The following CAST variants were observed in gnomAD, a reference collection of about 807,000 sequenced individuals.
CAST encodes the protein MIR583 host.
A neutral mutation model predicts 119.6 loss-of-function variants in CAST; 76 were observed. The observed-to-expected ratio is 0.64, with a 90% CI of 0.53 to 0.77. The LOEUF is 0.77. Among genes scored for constraint, CAST ranks in the 30% least tolerant of loss-of-function variants. The pLI is 0.00. For missense variants in CAST, 953 were observed against 946.5 expected, an observed-to-expected ratio of 1.01 and a Z score of -0.09; for synonymous variants, 319 against 331.6, an observed-to-expected ratio of 0.96 and a Z score of 0.41.
At chr5:96,319,507 C>G in the CAST span, among the ~76,000 whole-genome samples, 1 of 152,140 alleles carries the variant, frequency 6.6e-6, no homozygotes, top group African/African-American at 2.4e-5. Context: ...ACTACCTTCC[C>G]CATGGGTTGT....
the CAST span, among the ~76,000 whole-genome samples, chr5:96,078,593 C>G: frequency 6.6e-6 from 1 of 152,040 alleles, no homozygotes; most frequent in Admixed American, 6.6e-5. Context: ...TGGGGTTTCA[C>G]CATCTTGATC....
the CAST span, among the ~76,000 whole-genome samples, chr5:96,209,939 TTC>T: frequency 6.6e-6 from 1 of 151,828 alleles, no homozygotes; most frequent in South Asian, 2.1e-4. Flanking sequence ...GTTGCTTATT[TTC>T]TCTCTCTCTT....
At chr5:96,239,200 A>G in the CAST span, among the ~76,000 whole-genome samples, 9 of 152,244 alleles carry the variant, frequency 5.9e-5, no homozygotes, top group East Asian at 1.5e-3. Flanking sequence ...GTATTGCCCA[A>G]TTATGCAATG....
At chr5:96,299,746 C>T in the CAST span, among the ~76,000 whole-genome samples, 1 of 152,020 alleles carries the variant, frequency 6.6e-6, no homozygotes, top group Non-Finnish European at 1.5e-5. Flanking sequence ...AATTTCAGTG[C>T]TATGTGAATT....
chr5:96,629,242 A>C (rs1440013901), intron 1 of CAST, among the ~76,000 whole-genome samples: 1 of 152,132 alleles, frequency 6.6e-6, no homozygotes, highest in Non-Finnish European at 1.5e-5. Context: ...GTTCGCTTCT[A>C]CCTTCCACCT....
At chr5:96,223,740 T>G in the CAST span, among the ~76,000 whole-genome samples, 1 of 152,226 alleles carries the variant, frequency 6.6e-6, no homozygotes, top group East Asian at 1.9e-4. Flanking sequence ...TTGACCCTGC[T>G]TCTTCTCCAT....
chr5:96,031,762 G>A, the CAST span, among the ~76,000 whole-genome samples: 1 of 151,958 alleles, frequency 6.6e-6, no homozygotes, highest in Non-Finnish European at 1.5e-5. Flanking sequence ...ACCTATACTA[G>A]TTATATATTG....
chr5:96,123,151 A>G, the CAST span, among the ~76,000 whole-genome samples: 10 of 152,106 alleles, frequency 6.6e-5, no homozygotes, highest in Non-Finnish European at 2.9e-5. Context: ...TATTCTCATT[A>G]TTATGCCATT....
chr5:96,425,708 C>G, the CAST span: 1 of 692,892 alleles, frequency 1.4e-6, no homozygotes, highest in South Asian at 1.6e-5. Context: ...CAATATAGCT[C>G]CCTATGAAAT....
At chr5:96,650,884 C>T (rs1271769053) in intron 1 of CAST, among the ~76,000 whole-genome samples, 1 of 152,024 alleles carries the variant, frequency 6.6e-6, no homozygotes, top group Non-Finnish European at 1.5e-5. Context: ...AGAATTTTTT[C>T]AACAGACTAG....
chr5:96,704,518 A>C (rs1022092433), intron 3 of CAST, among the ~76,000 whole-genome samples: 1 of 152,280 alleles, frequency 6.6e-6, no homozygotes, highest in African/African-American at 2.4e-5. Context: ...AGTTAACTTT[A>C]AGTGATCACT....
At chr5:96,573,438 CTGAACAACA>C (rs1326019125) in intron 1 of CAST, among the ~76,000 whole-genome samples, 6 of 151,904 alleles carry the variant, frequency 3.9e-5, no homozygotes, top group Non-Finnish European at 5.9e-5. Flanking sequence ...CGAGACCAGC[CTGAACAACA>C]TAGTAAGACC....
At chr5:96,240,011 T>A in the CAST span, among the ~76,000 whole-genome samples, 1 of 152,206 alleles carries the variant, frequency 6.6e-6, no homozygotes, top group African/African-American at 2.4e-5. Flanking sequence ...TATAATTTTA[T>A]TGGGAACATG....
upstream of CAST, among the ~76,000 whole-genome samples, chr5:96,524,999 C>T (rs1405698229): frequency 6.6e-6 from 1 of 152,172 alleles, no homozygotes; most frequent in African/African-American, 2.4e-5. Flanking sequence ...GATTTGTCTT[C>T]ACTCCTCATC....
chr5:96,022,907 G>T, the CAST span, among the ~76,000 whole-genome samples: 3 of 152,112 alleles, frequency 2.0e-5, no homozygotes, highest in Non-Finnish European at 2.9e-5. Context: ...CTTATCAAGG[G>T]TAGTTGCTTT....
chr5:96,400,653 G>A, the CAST span, among the ~76,000 whole-genome samples: 1 of 152,152 alleles, frequency 6.6e-6, no homozygotes. Context: ...ACACAGACTG[G>A]CTACCTGCTG....
At chr5:96,594,076 T>TA (rs762951779) in intron 1 of CAST, among the ~76,000 whole-genome samples, 25 of 152,356 alleles carry the variant, frequency 1.6e-4, no homozygotes, top group Non-Finnish European at 3.4e-4. Flanking sequence ...GTAAGCATGT[T>TA]ACATGTACTA....
the CAST span, among the ~76,000 whole-genome samples, chr5:96,518,335 C>G: frequency 6.6e-6 from 1 of 151,982 alleles, no homozygotes; most frequent in African/African-American, 2.4e-5. Flanking sequence ...ATTAGCTAGC[C>G]AAAAAGAAAA....
chr5:96,358,711 T>C, the CAST span, among the ~76,000 whole-genome samples: 1 of 152,206 alleles, frequency 6.6e-6, no homozygotes. Flanking sequence ...TGTTATAATT[T>C]CCATTCTTTT....
Sources: allele counts gnomAD v4.1 joint callset (sites outside exome capture counted in the v4.1 genomes callset), GRCh38; gene constraint gnomAD v4.1.1; transcripts MANE v1.5; gene names NCBI Gene and HGNC (gene_info 2026-07-23, HGNC 2026-07-21).